TPO: variants seen among roughly 807,000 people sequenced by gnomAD.
The protein encoded by TPO is thyroid microsomal antigen.
A neutral mutation model predicts 96.9 loss-of-function variants in TPO; 78 were observed. That is an observed-to-expected ratio of 0.81 (90% confidence interval 0.67 to 0.97). The LOEUF is 0.97. TPO is among the 50% of genes least tolerant of loss of function. TPO has a pLI of 0.00. For missense variants in TPO, 1,252 were observed against 1,274.8 expected (o/e 0.98, Z 0.27); for synonymous variants, 547 against 538.0 (o/e 1.02, Z -0.23).
At chr2:1,443,574 C>T (rs1035680022) in intron 5 of TPO, among the ~76,000 whole-genome samples, 2 of 139,470 alleles carry the variant, frequency 1.4e-5, no homozygotes, top group African/African-American at 5.5e-5. Flanking sequence ...AGGGCAGGCT[C>T]CTTCTTGTTT....
Position 1,535,773 on chromosome 2 carries a change from TCCC to T in TPO, c.2619-4817_2619-4815del, listed in dbSNP as rs527463102. 7.1e-4 allele frequency among the ~76,000 whole-genome samples: 33 copies of T among 46,614 alleles called. 4 individuals are homozygous for T. The highest frequency in any genetic ancestry group is 1.6e-3 in the African/African-American group (21 of 12,750). The allele number at this position is 46,614 out of a possible 152,430, so 30.6% of individuals were successfully genotyped here. On this transcript the variant is annotated intron_variant, in intron 15 of 16. Transcript: ENST00000329066. ...CCCCACTCTGTGCAACCTCCCGAAA[TCCC>T]CCCAACTCTGTGCAACCTCCGCCAT...
intron 14 of TPO, among the ~76,000 whole-genome samples, chr2:1,512,935 A>G (rs1266115011): frequency 6.6e-6 from 1 of 152,220 alleles, no homozygotes; most frequent in Non-Finnish European, 1.5e-5. Flanking sequence ...GATGCTGGGC[A>G]TGACCTTTCT....
rs181996144 is a variant in TPO at position 1,486,461 on chromosome 2, G to A, written c.1598-1360G>A. 5.4e-5 allele frequency among the ~76,000 whole-genome samples: 8 copies of A among 149,184 alleles called. No individual in the cohort carries two copies. In the East Asian group the frequency reaches 1.6e-3, roughly 30 times the overall value. ...TGTGGCAGGAGAATCGCTTGAACCT[G>A]GGAGGCAGAGGGTGCAGGTGAGCCG... On this transcript the variant is annotated intron_variant, in intron 9 of 16. Transcript: ENST00000329066.
chr2:1,390,442 G>A (rs751023865), intron 1 of TPO, among the ~76,000 whole-genome samples: 3 of 152,092 alleles, frequency 2.0e-5, no homozygotes, highest in Non-Finnish European at 4.4e-5. Context: ...ATGGACATTC[G>A]GGTTGGTTCC....
chr2:1,518,746 T>C (rs1674955149), intron 15 of TPO, among the ~76,000 whole-genome samples: 1 of 152,260 alleles, frequency 6.6e-6, no homozygotes, highest in African/African-American at 2.4e-5. Flanking sequence ...ATGTGTCAGA[T>C]GTAATGCTAA....
chr2:1,380,488 T>TA (rs957580458), intron 1 of TPO, among the ~76,000 whole-genome samples: 102 of 151,564 alleles, frequency 6.7e-4, no homozygotes, highest in African/African-American at 2.2e-3. Context: ...CATTATATTC[T>TA]AAAAAAAAAT....
At chr2:1,404,038 T>C (rs1046377207) in intron 1 of TPO, among the ~76,000 whole-genome samples, 2 of 152,312 alleles carry the variant, frequency 1.3e-5, no homozygotes, top group South Asian at 2.1e-4. Flanking sequence ...AACTTATGCA[T>C]GGAGCGGAGA....
intron 7 of TPO, among the ~76,000 whole-genome samples, chr2:1,475,614 G>A (rs1249959321): frequency 2.6e-5 from 4 of 151,780 alleles, no homozygotes; most frequent in Admixed American, 6.6e-5. Flanking sequence ...AAGTAGAGAC[G>A]GGGTTTCACT....
chr2:1,511,228 A>AGCCCTGCAGACTGGAGGTGCCACAGCAC lies in TPO; in HGVS notation c.2519-5655_2519-5654insGCCCTGCAGACTGGAGGTGCCACAGCAC, dbSNP rs1342591672. ...CCTGCAGACTGGGGGTGCCACAGCA[A>AGCCCTGCAGACTGGAGGTGCCACAGCAC]AGCCCTGCAGACTGGGGGTGCCACA... On this transcript the variant is annotated intron_variant, in intron 14 of 16. Coordinates refer to ENST00000329066, the MANE Select transcript of TPO (RefSeq NM_001206744.2). Among the ~76,000 whole-genome samples, 7 of 29,728 alleles carry AGCCCTGCAGACTGGAGGTGCCACAGCAC rather than the reference A, an allele frequency of 2.4e-4. No homozygotes were observed. The South Asian group carries it at 7.7e-3, about 33-fold the overall frequency. 19.5% of individuals were successfully genotyped at this position (29,728 alleles called of 152,430 possible). A position where few individuals can be genotyped will look rare whatever the true frequency, so the allele number is the denominator to read the frequency against.
At chr2:1,525,978 C>T (rs1317659657) in intron 15 of TPO, among the ~76,000 whole-genome samples, 1 of 124,912 alleles carries the variant, frequency 8.0e-6, no homozygotes, top group African/African-American at 3.0e-5. Context: ...AATCTCCCCA[C>T]TGTGAGCAAC....
chr2:1,487,249 A>G (rs1176847367), intron 9 of TPO, among the ~76,000 whole-genome samples: 1 of 151,918 alleles, frequency 6.6e-6, no homozygotes, highest in African/African-American at 2.4e-5. Context: ...ATAAAACAAA[A>G]AGCTTTAAAA....
chr2:1,414,292 T>C (rs1662657264), intron 1 of TPO, 116 bp from the exon 2 acceptor site: 2 of 991,032 alleles, frequency 2.0e-6, no homozygotes, highest in Admixed American at 2.0e-5. Flanking sequence ...CTCACTGCGG[T>C]AGAGGCTGCG....
At chr2:1,399,124 A>T (rs1254790275) in intron 1 of TPO, among the ~76,000 whole-genome samples, 1 of 151,948 alleles carries the variant, frequency 6.6e-6, no homozygotes, top group Admixed American at 6.6e-5. Context: ...GCAGGACAGG[A>T]CTCTGGGTTC....
At chr2:1,518,881 G>A (rs915414479) in intron 15 of TPO, among the ~76,000 whole-genome samples, 11 of 152,200 alleles carry the variant, frequency 7.2e-5, no homozygotes, top group South Asian at 2.1e-4. Context: ...ACCTCAGAAC[G>A]TAACCTTATT....
intron 5 of TPO, among the ~76,000 whole-genome samples, chr2:1,451,981 T>G (rs28909400): frequency 3.3e-5 from 5 of 152,242 alleles, no homozygotes; most frequent in African/African-American, 1.2e-4. Context: ...TCTACAGATA[T>G]GTATGCTCAT....
intron 5 of TPO, among the ~76,000 whole-genome samples, chr2:1,442,115 A>G (rs1051654056): frequency 6.6e-6 from 1 of 152,162 alleles, no homozygotes; most frequent in Non-Finnish European, 1.5e-5. Flanking sequence ...CTTGCCTTCC[A>G]CCATGATTGT....
At chr2:1,469,515 A>G (rs986407989) in intron 7 of TPO, among the ~76,000 whole-genome samples, 19 of 152,168 alleles carry the variant, frequency 1.2e-4, no homozygotes, top group Admixed American at 2.0e-4. Context: ...ATTGTTACAA[A>G]GTTCAGCTGG....
chr2:1,533,880 C>A (rs1249175765), intron 15 of TPO, among the ~76,000 whole-genome samples: 1 of 99,768 alleles, frequency 1.0e-5, no homozygotes, highest in Non-Finnish European at 2.1e-5. Flanking sequence ...ATCCCCCCCA[C>A]TCTGTGTGCA....
chr2:1,384,008 G>C (rs1456614053), intron 1 of TPO, among the ~76,000 whole-genome samples: 1 of 152,168 alleles, frequency 6.6e-6, no homozygotes, highest in African/African-American at 2.4e-5. Context: ...TGTCAGGTTT[G>C]TCAAAGATCA....
Sources: allele counts gnomAD v4.1 joint callset (sites outside exome capture counted in the v4.1 genomes callset), GRCh38; gene constraint gnomAD v4.1.1; transcripts MANE v1.5; gene names NCBI Gene and HGNC (gene_info 2026-07-23, HGNC 2026-07-21).